The following RNF220 variants were observed in gnomAD, a reference collection of about 807,000 sequenced individuals.
RNF220 encodes ring finger protein 220, also known as E3 ubiquitin-protein ligase RNF220.
RNF220 carries 7 observed loss-of-function variants against 67.1 expected under a neutral mutation model. That is an observed-to-expected ratio of 0.10 (90% confidence interval 0.06 to 0.20). RNF220 has a LOEUF of 0.20. Among genes scored for constraint, RNF220 ranks in the 10% least tolerant of loss-of-function variants. The probability of loss-of-function intolerance (pLI) is 1.00; values close to 1 mark genes in which losing one functional copy is unlikely to be tolerated. For synonymous variants in RNF220, 270 were observed against 283.2 expected, an observed-to-expected ratio of 0.95 and a Z score of 0.47; for missense variants, 565 against 740.3, an observed-to-expected ratio of 0.76 and a Z score of 2.75.
chr1:44,478,233 G>A (rs899318921), intron 2 of RNF220, among the ~76,000 whole-genome samples: 8 of 151,926 alleles, frequency 5.3e-5, no homozygotes, highest in Non-Finnish European at 8.8e-5. Context: ...CCCTGCCTCC[G>A]CCTCCCAAAT....
chr1:44,610,707 G>A lies in RNF220; in HGVS notation c.626-3458G>A, dbSNP rs373236057. 5.1e-4 allele frequency among the ~76,000 whole-genome samples: 77 copies of A among 152,320 alleles called. No individual in the cohort carries two copies. The South Asian group carries it at 0.012, about 24-fold the overall frequency. ...TGGTGCTGCCGGCAGTATTGGAGAA[G>A]GGATTCCTGCATCCAATGGGCAGCT... On this transcript the variant is annotated intron_variant, in intron 2 of 14. Coordinates refer to ENST00000361799, the MANE Select transcript of RNF220 (RefSeq NM_018150.4).
rs116258257 is a variant in RNF220, at chr1:44,640,717, T to C, written c.1127-3981T>C. On this transcript the variant is annotated intron_variant, in intron 8 of 14. Transcript: ENST00000361799. The stretch of plus-strand genomic sequence containing the variant: ...GGTGGCAGGTGACACTGCAGGCCGA[T>C]TGATTGTCCCGCATCGCAGCTCCCC... Among the ~76,000 whole-genome samples the C allele has an allele frequency of 6.0e-3, 913 of 152,320 alleles. 9 individuals carry two copies. The highest frequency in any genetic ancestry group is 0.02 in the African/African-American group (834 of 41,568).
chr1:44,628,714 G>A (rs542432730), intron 5 of RNF220, among the ~76,000 whole-genome samples: 27 of 152,170 alleles, frequency 1.8e-4, no homozygotes, highest in Non-Finnish European at 3.2e-4. Context: ...CCTGGATGAG[G>A]CATTCCTTTC....
rs183085717 is a variant in RNF220 at position 44,633,669 on chromosome 1, A to T, written c.949+1284A>T. Among the ~76,000 whole-genome samples the T allele has an allele frequency of 1.3e-3, 193 of 152,274 alleles. 1 individual carries two copies. Among genetic ancestry groups the T allele is most frequent in the Admixed American group, 2.2e-3 (34 of 15,300 alleles). The stretch of plus-strand genomic sequence containing the variant: ...GTGCCTTTCTTGACCATTCCATGAG[A>T]TTCGTTTCCTTAGTCATTGAACATT... On this transcript the variant is annotated intron_variant, in intron 6 of 14. Transcript: ENST00000361799.
intron 8 of RNF220, among the ~76,000 whole-genome samples, chr1:44,642,301 C>T (rs1374568243): frequency 2.6e-5 from 4 of 152,210 alleles, no homozygotes; most frequent in African/African-American, 9.7e-5. Context: ...GATCTTGAAG[C>T]TCTCTATTCT....
At chr1:44,488,275 A>G (rs1656514356) in intron 2 of RNF220, among the ~76,000 whole-genome samples, 1 of 151,358 alleles carries the variant, frequency 6.6e-6, no homozygotes, top group Non-Finnish European at 1.5e-5. Flanking sequence ...AGCTGGGATT[A>G]TAGGCGTGCG....
chr1:44,495,200 G>A (rs1325879867), intron 2 of RNF220, among the ~76,000 whole-genome samples: 1 of 150,760 alleles, frequency 6.6e-6, no homozygotes, highest in African/African-American at 2.4e-5. Flanking sequence ...ACAACAGAGT[G>A]AGACCCTGTC....
At chr1:44,623,360 G>A (rs1243807360) in intron 4 of RNF220, among the ~76,000 whole-genome samples, 1 of 152,206 alleles carries the variant, frequency 6.6e-6, no homozygotes, top group Admixed American at 6.5e-5. Context: ...TTGGAGAAAG[G>A]GAAAGTGAAG....
intron 2 of RNF220, among the ~76,000 whole-genome samples, chr1:44,595,740 TTTTTA>T (rs1479367923): frequency 1.3e-5 from 2 of 152,158 alleles, no homozygotes; most frequent in African/African-American, 4.8e-5. Flanking sequence ...TTTATTTTAC[TTTTTA>T]TTTTATTATT....
chr1:44,472,307 G>T (rs1244499888), intron 2 of RNF220, among the ~76,000 whole-genome samples: 1 of 152,176 alleles, frequency 6.6e-6, no homozygotes, highest in Non-Finnish European at 1.5e-5. Flanking sequence ...CTTTTCGATA[G>T]CCACTGCACC....
intron 2 of RNF220, among the ~76,000 whole-genome samples, chr1:44,483,003 T>G (rs1030313248): frequency 1.4e-5 from 2 of 147,832 alleles, no homozygotes; most frequent in African/African-American, 5.1e-5. Flanking sequence ...CGATCGTGGC[T>G]TACTGCAGCC....
chr1:44,527,925 C>CAAAAAAAAAAAAAAAAAAAAAAAAAAAAA lies in RNF220; in HGVS notation c.626-86214_626-86213insAAAAAAAAAAAAAAAAAAAAAAAAAAAAA, dbSNP rs56409207. Among the ~76,000 whole-genome samples the CAAAAAAAAAAAAAAAAAAAAAAAAAAAAA allele has an allele frequency of 7.1e-5, 4 of 56,206 alleles. 2 individuals carry two copies. Among genetic ancestry groups the CAAAAAAAAAAAAAAAAAAAAAAAAAAAAA allele is most frequent in the Non-Finnish European group, 5.7e-5 (2 of 35,070 alleles). The allele number at this position is 56,206 out of a possible 152,430, so 36.9% of individuals were successfully genotyped here. A position where few individuals can be genotyped will look rare whatever the true frequency, so the allele number is the denominator to read the frequency against. On this transcript the variant is annotated intron_variant, in intron 2 of 14. Coordinates refer to ENST00000361799, the MANE Select transcript of RNF220 (RefSeq NM_018150.4). ...TGGGTGACAGAGCAAGACTCCATCC[C>CAAAAAAAAAAAAAAAAAAAAAAAAAAAAA]AAAAAAAAAAAAAAAAAAAAAAAAA...
At chr1:44,625,343 T>A (rs970025400) in intron 4 of RNF220, among the ~76,000 whole-genome samples, 5 of 152,224 alleles carry the variant, frequency 3.3e-5, no homozygotes, top group African/African-American at 1.2e-4. Context: ...GACCAGCAGC[T>A]GTCCCTTCCC....
intron 2 of RNF220, among the ~76,000 whole-genome samples, chr1:44,561,452 T>G (rs932489003): frequency 6.6e-6 from 1 of 151,988 alleles, no homozygotes; most frequent in African/African-American, 2.4e-5. Flanking sequence ...AAGGTTGCAG[T>G]GAGCCCAGAT....
At chr1:44,588,453 G>A (rs992383277) in intron 2 of RNF220, among the ~76,000 whole-genome samples, 4 of 152,218 alleles carry the variant, frequency 2.6e-5, no homozygotes, top group Admixed American at 1.3e-4. Context: ...ATGTGGAGTA[G>A]CCGCCCTCTA....
chr1:44,628,410 C>A (rs1396893353), intron 5 of RNF220, among the ~76,000 whole-genome samples: 1 of 152,232 alleles, frequency 6.6e-6, no homozygotes, highest in Non-Finnish European at 1.5e-5. Flanking sequence ...GGCACACACA[C>A]ATGCAGTGTT....
intron 2 of RNF220, among the ~76,000 whole-genome samples, chr1:44,552,418 C>G (rs936929994): frequency 6.6e-6 from 1 of 151,762 alleles, no homozygotes; most frequent in Non-Finnish European, 1.5e-5. Context: ...GAGGTAGGAG[C>G]CTCGGAGGTC....
chr1:44,630,388 G>T (rs1205686223), intron 5 of RNF220, among the ~76,000 whole-genome samples: 1 of 152,194 alleles, frequency 6.6e-6, no homozygotes, highest in Non-Finnish European at 1.5e-5. Flanking sequence ...CACATAAATT[G>T]TAAGTAACAG....
chr1:44,426,250 A>G (rs1031585988), intron 2 of RNF220, among the ~76,000 whole-genome samples: 6 of 152,206 alleles, frequency 3.9e-5, no homozygotes, highest in Non-Finnish European at 8.8e-5. Context: ...GATAGGCAGA[A>G]TCAAGTCGAA....
Sources: gnomAD v4.1 joint callset for allele counts (sites outside exome capture counted in the v4.1 genomes callset) on GRCh38, gnomAD v4.1.1 for gene constraint, MANE v1.5 for transcripts, NCBI Gene and HGNC (gene_info 2026-07-23, HGNC 2026-07-21) for gene names.